The following RIMKLA variants were observed in gnomAD, a reference collection of about 807,000 sequenced individuals.
RIMKLA encodes N-acetylaspartylglutamate synthase A.
In RIMKLA, 14 loss-of-function variants were observed where a neutral mutation model predicts 32.7. The observed-to-expected ratio is 0.43, with a 90% CI of 0.28 to 0.67. The LOEUF (loss-of-function observed/expected upper bound fraction) is 0.67, where lower values mean the gene tolerates loss of function less well. Ranked by LOEUF, RIMKLA falls within the 30% of genes least tolerant of loss-of-function variation. The probability of loss-of-function intolerance (pLI) is 0.18; values close to 1 mark genes in which losing one functional copy is unlikely to be tolerated. For missense variants in RIMKLA, 410 were observed against 519.0 expected (o/e 0.79, Z 2.04); for synonymous variants, 176 against 204.1 (o/e 0.86, Z 1.18).
chr1:42,412,737 T>TA (rs1643210778), intron 4 of RIMKLA: 3 of 373,576 alleles, frequency 8.0e-6, no homozygotes, highest in Non-Finnish European at 1.6e-5. Context: ...GGCGTTTGCC[T>TA]CTTTTTGGCT....
chr1:42,389,978 C>G (rs1642986540), intron 1 of RIMKLA, among the ~76,000 whole-genome samples: 1 of 150,502 alleles, frequency 6.6e-6, no homozygotes, highest in African/African-American at 2.4e-5. Context: ...AGGTGAAAAA[C>G]AGGATGATAG....
intron 2 of RIMKLA, 147 bp from the exon 3 acceptor site, chr1:42,404,364 T>G (rs569478994): frequency 7.8e-6 from 5 of 638,644 alleles, no homozygotes; most frequent in South Asian, 7.0e-5. Flanking sequence ...AGGTATATAA[T>G]GTGTGTCTGT....
rs1197229338 is a variant in RIMKLA at position 42,414,835 on chromosome 1, C to T, written c.1037C>T (p.Ser346Phe). Residue 346 changes from serine to phenylalanine, a missense_variant, in exon 5 of 5, where the codon TCT becomes TTT. Transcript: ENST00000431473. ...AESVYTINSG[S>F]TSSESEPELG... ...AGCGTCTATACCATCAACAGTGGGT[C>T]TACCTCTAGTGAAAGTGAGCCTGAA... is the stretch of plus-strand genomic sequence containing the variant. 11 of 1,614,078 alleles carry T rather than the reference C, an allele frequency of 6.8e-6. No homozygotes were observed. Among genetic ancestry groups the T allele is most frequent in the Non-Finnish European group, 9.3e-6 (11 of 1,180,052 alleles).
chr1:42,397,987 C>G (rs1047929235), intron 1 of RIMKLA, among the ~76,000 whole-genome samples: 2 of 152,156 alleles, frequency 1.3e-5, no homozygotes, highest in Non-Finnish European at 2.9e-5. Flanking sequence ...CTTGCATGCT[C>G]TCTTATACCA....
intron 3 of RIMKLA, among the ~76,000 whole-genome samples, chr1:42,405,697 G>A (rs114556489): frequency 3.2e-4 from 49 of 152,286 alleles, no homozygotes; most frequent in Non-Finnish European, 6.0e-4. Flanking sequence ...CTGATCTCGA[G>A]GCGCTCAAAT....
chr1:42,387,916 G>A lies in RIMKLA; in HGVS notation c.163+6819G>A, dbSNP rs535643194. Reference sequence around the variant, plus strand: ...GAATGTTTCTGGAGGTAAGAGAGGGGATTGCAATTTTAGATGGGGTGGCCG... The same window carrying A: ...GAATGTTTCTGGAGGTAAGAGAGGGAATTGCAATTTTAGATGGGGTGGCCG... On this transcript the variant is annotated intron_variant, in intron 1 of 4. Coordinates refer to ENST00000431473, the MANE Select transcript of RIMKLA (RefSeq NM_173642.4). 3.3e-5 allele frequency among the ~76,000 whole-genome samples: 5 copies of A among 152,282 alleles called. No homozygotes were observed. In the South Asian group the frequency reaches 1.0e-3, roughly 32 times the overall value.
At position 42,424,101 on chromosome 1, in the gene RIMKLA, G is replaced by T. The variant is rs1234315925; in HGVS notation, c.*9127G>T. ...CTAAAGGACATTATTAAGACAACTG[G>T]TCTGTACTGTATTGCCTGATAGTAT... On this transcript the variant is annotated 3_prime_UTR_variant, in exon 5 of 5. Coordinates refer to ENST00000431473, the MANE Select transcript of RIMKLA (RefSeq NM_173642.4). Among the ~76,000 whole-genome samples the T allele has an allele frequency of 1.3e-5, 2 of 152,098 alleles. No homozygotes were observed. The highest frequency in any genetic ancestry group is 2.9e-5 in the Non-Finnish European group (2 of 68,018).
At chr1:42,408,578 T>C (rs1005155672) in intron 3 of RIMKLA, among the ~76,000 whole-genome samples, 1 of 152,076 alleles carries the variant, frequency 6.6e-6, no homozygotes, top group Non-Finnish European at 1.5e-5. Flanking sequence ...TGCACCACCA[T>C]GCCCAGCTAA....
intron 1 of RIMKLA, among the ~76,000 whole-genome samples, chr1:42,396,705 G>T (rs1347965529): frequency 1.3e-5 from 2 of 152,150 alleles, no homozygotes; most frequent in Non-Finnish European, 2.9e-5. Flanking sequence ...TTGTAAAGCT[G>T]TTTTTCTTGT....
At chr1:42,410,427 G>A (rs1336914731) in intron 4 of RIMKLA, among the ~76,000 whole-genome samples, 1 of 152,150 alleles carries the variant, frequency 6.6e-6, no homozygotes, top group Non-Finnish European at 1.5e-5. Flanking sequence ...TGTCCTCTAG[G>A]TGTTAAGACT....
At chr1:42,406,230 C>A (rs1374545263) in intron 3 of RIMKLA, among the ~76,000 whole-genome samples, 1 of 152,080 alleles carries the variant, frequency 6.6e-6, no homozygotes, top group Non-Finnish European at 1.5e-5. Flanking sequence ...AAATACAATT[C>A]ACATAAAAAA....
intron 1 of RIMKLA, among the ~76,000 whole-genome samples, chr1:42,397,288 T>G (rs1270281697): frequency 6.6e-6 from 1 of 152,222 alleles, no homozygotes; most frequent in African/African-American, 2.4e-5. Flanking sequence ...ATTGATATTA[T>G]TCATCACCTG....
chr1:42,405,922 G>A (rs1053092513), intron 3 of RIMKLA, among the ~76,000 whole-genome samples: 1 of 152,220 alleles, frequency 6.6e-6, no homozygotes, highest in Non-Finnish European at 1.5e-5. Context: ...GAGCATAGAT[G>A]AGTCGTGTTG....
intron 1 of RIMKLA, chr1:42,396,604 T>G (rs1643050360): frequency 6.6e-6 from 1 of 152,196 alleles, no homozygotes; most frequent in South Asian, 2.1e-4. Flanking sequence ...TTCTTCCCAT[T>G]TAGAAGTTTA....
intron 4 of RIMKLA, chr1:42,412,781 T>C (rs1313988624): frequency 1.4e-5 from 4 of 294,786 alleles, no homozygotes; most frequent in Admixed American, 5.1e-5. Flanking sequence ...AGCCAGGACA[T>C]TGACATGCAT....
At chr1:42,397,372 C>T (rs1439230111) in intron 1 of RIMKLA, among the ~76,000 whole-genome samples, 1 of 152,128 alleles carries the variant, frequency 6.6e-6, no homozygotes, top group Non-Finnish European at 1.5e-5. Context: ...ATATCACTTA[C>T]AAAATAGAAG....
chr1:42,409,055 A>G (rs1229875228), intron 3 of RIMKLA, among the ~76,000 whole-genome samples: 9 of 151,864 alleles, frequency 5.9e-5, no homozygotes, highest in Non-Finnish European at 1.5e-5. Context: ...TAAAAATACA[A>G]AAATTTGCTA....
Position 42,414,497 on chromosome 1 carries a change from C to G in RIMKLA, c.699C>G (p.Val233=). 6.2e-7 allele frequency: 1 copy of G among 1,613,954 alleles called. No homozygotes were observed. The highest frequency in any genetic ancestry group is 1.1e-5 in the South Asian group (1 of 91,044). The part of the protein sequence containing the change: ...QSNCSLGGVG[V]KCPLTEQGKQ... ...CTTTCCCCACAGGTGGCGTGGGCGTCAAGTGTCCGCTGACAGAACAAGGCA... is the reference window on the plus strand; with the variant it reads ...CTTTCCCCACAGGTGGCGTGGGCGTGAAGTGTCCGCTGACAGAACAAGGCA... Residue 233 remains valine (V), a synonymous_variant, in exon 5 of 5, where the codon GTC becomes GTG. Transcript: ENST00000431473.
At position 42,386,062 on chromosome 1, in the gene RIMKLA, C is replaced by T. The variant is rs1012035104; in HGVS notation, c.163+4965C>T. Among the ~76,000 whole-genome samples, 7 of 151,664 alleles carry T rather than the reference C, an allele frequency of 4.6e-5. No homozygotes were observed. In the East Asian group the frequency reaches 5.8e-4, roughly 13 times the overall value. On this transcript the variant is annotated intron_variant, in intron 1 of 4. Transcript: ENST00000431473. Reference sequence around the variant, plus strand: ...TCAGCCTCCCGAGTATCTGGGACTACAGGCATGTGCCACCATACCGGGCTA... The same window carrying T: ...TCAGCCTCCCGAGTATCTGGGACTATAGGCATGTGCCACCATACCGGGCTA...
Sources: allele counts gnomAD v4.1 joint callset (sites outside exome capture counted in the v4.1 genomes callset), GRCh38; gene constraint gnomAD v4.1.1; transcripts MANE v1.5; gene names NCBI Gene and HGNC (gene_info 2026-07-23, HGNC 2026-07-21).